The following NXNL2 variants were observed in gnomAD, a reference collection of about 807,000 sequenced individuals.
The protein encoded by NXNL2 is nucleoredoxin-like protein 2.
Under a neutral mutation model 11.1 loss-of-function variants are expected in NXNL2, and 7 were observed. The observed-to-expected ratio is 0.63, with a 90% CI of 0.36 to 1.18. The LOEUF (loss-of-function observed/expected upper bound fraction) is 1.18, where lower values mean the gene tolerates loss of function less well. NXNL2 is among the 50% of genes most tolerant of loss of function. NXNL2 has a pLI of 0.02. For synonymous variants in NXNL2, 109 were observed against 101.8 expected (o/e 1.07, Z -0.42); for missense variants, 233 against 217.7 (o/e 1.07, Z -0.44).
At chr9:88,539,006 G>T (rs1829691542) in intron 1 of NXNL2, among the ~76,000 whole-genome samples, 1 of 152,112 alleles carries the variant, frequency 6.6e-6, no homozygotes, top group African/African-American at 2.4e-5. Flanking sequence ...CAAACCACAG[G>T]CCTGTACTCC....
At chr9:88,581,177 C>A (rs1257884673) in intron 1 of NXNL2, among the ~76,000 whole-genome samples, 1 of 152,174 alleles carries the variant, frequency 6.6e-6, no homozygotes, top group Non-Finnish European at 1.5e-5. Context: ...CAGTGTCTGC[C>A]AAGTTAAGTC....
At chr9:88,537,567 G>C (rs1829654188) in intron 1 of NXNL2, among the ~76,000 whole-genome samples, 1 of 152,220 alleles carries the variant, frequency 6.6e-6, no homozygotes, top group South Asian at 2.1e-4. Flanking sequence ...GTTGTCATGT[G>C]TAAGCTAGGT....
At chr9:88,553,720 A>G (rs1829974793) in intron 1 of NXNL2, among the ~76,000 whole-genome samples, 1 of 152,198 alleles carries the variant, frequency 6.6e-6, no homozygotes, top group Non-Finnish European at 1.5e-5. Flanking sequence ...TACTTCATGT[A>G]AAAGATCTGA....
At chr9:88,551,796 T>C (rs983582924) in intron 1 of NXNL2, among the ~76,000 whole-genome samples, 2 of 152,210 alleles carry the variant, frequency 1.3e-5, no homozygotes, top group East Asian at 1.9e-4. Flanking sequence ...TTGTCACATT[T>C]ACCAGAAAGC....
At chr9:88,571,960 A>G (rs1461203203) in intron 2 of NXNL2, among the ~76,000 whole-genome samples, 1 of 152,158 alleles carries the variant, frequency 6.6e-6, no homozygotes, top group Non-Finnish European at 1.5e-5. Flanking sequence ...GCCCATGTTT[A>G]TCTCTTCCTT....
chr9:88,580,027 C>G (rs1180927365), downstream of NXNL2, among the ~76,000 whole-genome samples: 1 of 151,900 alleles, frequency 6.6e-6, no homozygotes, highest in East Asian at 1.9e-4. Flanking sequence ...GTAGTCCTAG[C>G]TACTCAGGAG....
rs536153051 is a variant in NXNL2 at position 88,570,171 on chromosome 9, T to C, written c.303-916T>C. Among the ~76,000 whole-genome samples, 82 of 152,226 alleles carry C rather than the reference T, an allele frequency of 5.4e-4. 1 individual carries two copies. Among genetic ancestry groups the C allele is most frequent in the Admixed American group, 2.1e-3 (32 of 15,284 alleles). On this transcript the variant is annotated intron_variant, in intron 1 of 2. Transcript: ENST00000375855. The stretch of plus-strand genomic sequence containing the variant: ...TCTGGCTCTGTTGTCCAGGCTGGAG[T>C]GCAGGGGTGTGATCTCAGCCCACTG...
downstream of NXNL2, among the ~76,000 whole-genome samples, chr9:88,547,465 C>T (rs971352056): frequency 3.3e-5 from 5 of 152,306 alleles, no homozygotes; most frequent in South Asian, 2.1e-4. Context: ...CAGACACAGA[C>T]ATTCCTAGAG....
At chr9:88,535,797 G>A (rs981874632) in intron 1 of NXNL2, 61 bp downstream of exon 1, 2 of 1,393,626 alleles carry the variant, frequency 1.4e-6, no homozygotes, top group Admixed American at 2.3e-5. Context: ...GTTCCCCCAG[G>A]CCTCCCCCTC....
downstream of NXNL2, among the ~76,000 whole-genome samples, chr9:88,579,546 C>T (rs1000223509): frequency 6.6e-6 from 1 of 152,174 alleles, no homozygotes; most frequent in Non-Finnish European, 1.5e-5. Flanking sequence ...TTAAGCCAAA[C>T]GCTCAGAATT....
At chr9:88,557,640 C>A (rs1830035499) in intron 1 of NXNL2, among the ~76,000 whole-genome samples, 2 of 152,174 alleles carry the variant, frequency 1.3e-5, no homozygotes, top group South Asian at 4.1e-4. Flanking sequence ...GAACAACTGA[C>A]CTTTGTCCAA....
intron 1 of NXNL2, among the ~76,000 whole-genome samples, chr9:88,552,258 A>G (rs1829941232): frequency 6.6e-6 from 1 of 151,924 alleles, no homozygotes; most frequent in African/African-American, 2.4e-5. Flanking sequence ...TGTTTTCCCC[A>G]TCATTAAAAA....
intron 1 of NXNL2, among the ~76,000 whole-genome samples, chr9:88,536,324 C>T (rs1829617967): frequency 6.6e-6 from 1 of 152,180 alleles, no homozygotes. Flanking sequence ...TTTGCGGTTT[C>T]ATTTTTACCG....
At chr9:88,560,443 G>A (rs1308237843) in intron 1 of NXNL2, among the ~76,000 whole-genome samples, 2 of 152,070 alleles carry the variant, frequency 1.3e-5, no homozygotes, top group Non-Finnish European at 2.9e-5. Flanking sequence ...AGGGGCCTGG[G>A]TGTCCACCAA....
chr9:88,544,222 GC>G (rs1380990001), intron 1 of NXNL2, among the ~76,000 whole-genome samples, 156 bp from the exon 2 acceptor site: 5 of 152,070 alleles, frequency 3.3e-5, no homozygotes, highest in Non-Finnish European at 5.9e-5. Context: ...GAAGAAAGGA[GC>G]CCCCACCCCA....
chr9:88,557,864 C>G (rs541827137), intron 1 of NXNL2, among the ~76,000 whole-genome samples: 1 of 152,168 alleles, frequency 6.6e-6, no homozygotes, highest in Non-Finnish European at 1.5e-5. Context: ...GAATGAGGGG[C>G]CTTTGCTCTC....
intron 1 of NXNL2, among the ~76,000 whole-genome samples, chr9:88,570,576 T>C (rs2118529756): frequency 6.6e-6 from 1 of 151,908 alleles, no homozygotes; most frequent in East Asian, 1.9e-4. Flanking sequence ...ATGGAGATAA[T>C]GATCACACCT....
Position 88,535,350 on chromosome 9 carries a change from C to G in NXNL2, c.-85C>G, listed in dbSNP as rs1056577803. On this transcript the variant is annotated 5_prime_UTR_variant, in exon 1 of 2. Coordinates refer to ENST00000375854, the MANE Select transcript of NXNL2 (RefSeq NM_001161625.2). ...CCCGGTGGTGCGGACAGAGGCGGGGCACCGCGGCGCTCGCCGCCGCCTCCC... is the reference window on the plus strand; with the variant it reads ...CCCGGTGGTGCGGACAGAGGCGGGGGACCGCGGCGCTCGCCGCCGCCTCCC... The G allele has an allele frequency of 7.5e-7, 1 of 1,341,538 alleles. No homozygotes were observed. Among genetic ancestry groups the G allele is most frequent in the East Asian group, 2.5e-5 (1 of 39,716 alleles). 83.1% of individuals were successfully genotyped at this position (1,341,538 alleles called of 1,614,324 possible). A position where few individuals can be genotyped will look rare whatever the true frequency, so the allele number is the denominator to read the frequency against.
At chr9:88,553,866 C>A (rs1350217421) in intron 1 of NXNL2, among the ~76,000 whole-genome samples, 1 of 152,098 alleles carries the variant, frequency 6.6e-6, no homozygotes, top group African/African-American at 2.4e-5. Flanking sequence ...TTTCTATTTT[C>A]ACTTTCTGAA....
Sources: allele counts gnomAD v4.1 joint callset (sites outside exome capture counted in the v4.1 genomes callset), GRCh38; gene constraint gnomAD v4.1.1; transcripts MANE v1.5; gene names NCBI Gene and HGNC (gene_info 2026-07-23, HGNC 2026-07-21).